The following ERP44 variants were observed in gnomAD, a reference collection of about 807,000 sequenced individuals.
The protein encoded by ERP44 is endoplasmic reticulum protein 44.
ERP44 carries 25 observed loss-of-function variants against 53.4 expected under a neutral mutation model. That is an observed-to-expected ratio of 0.47 (90% CI 0.34 to 0.65). ERP44 has a LOEUF of 0.65. Ranked by LOEUF, ERP44 falls within the 30% of genes least tolerant of loss-of-function variation. ERP44 has a pLI of 0.01. For missense variants in ERP44, 338 were observed against 493.2 expected (o/e 0.69, Z 2.98); for synonymous variants, 145 against 161.2 (o/e 0.90, Z 0.76).
intron 8 of ERP44, among the ~76,000 whole-genome samples, chr9:100,011,301 C>T (rs1161894637): frequency 6.6e-6 from 1 of 152,074 alleles, no homozygotes; most frequent in Non-Finnish European, 1.5e-5. Flanking sequence ...ATTTTGAATT[C>T]TGTGAAATGT....
chr9:99,988,960 C>T (rs1455247026), intron 10 of ERP44, among the ~76,000 whole-genome samples: 4 of 152,204 alleles, frequency 2.6e-5, no homozygotes, highest in Admixed American at 2.0e-4. Context: ...GATGGAACTG[C>T]GAGGTGGCAG....
At chr9:100,045,091 T>C (rs1341943076) in intron 4 of ERP44, among the ~76,000 whole-genome samples, 1 of 152,186 alleles carries the variant, frequency 6.6e-6, no homozygotes, top group East Asian at 1.9e-4. Context: ...TTAGCCTCTC[T>C]GTATCTTTCA....
chr9:100,087,625 A>G (rs965854530), intron 1 of ERP44, among the ~76,000 whole-genome samples: 5 of 152,220 alleles, frequency 3.3e-5, no homozygotes, highest in African/African-American at 9.6e-5. Flanking sequence ...GATATGTGAG[A>G]AAATGGAAAC....
At chr9:100,055,747 C>G (rs756658998) in intron 3 of ERP44, among the ~76,000 whole-genome samples, 1 of 152,162 alleles carries the variant, frequency 6.6e-6, no homozygotes, top group Non-Finnish European at 1.5e-5. Context: ...ACTATGTTCC[C>G]ATAAATATTA....
At chr9:99,992,473 A>C (rs1464520187) in intron 10 of ERP44, among the ~76,000 whole-genome samples, 1 of 152,234 alleles carries the variant, frequency 6.6e-6, no homozygotes, top group Non-Finnish European at 1.5e-5. Flanking sequence ...ACAGCCCTTC[A>C]TGCTACAAAC....
chr9:100,057,828 A>T lies in ERP44; in HGVS notation c.162T>A (p.Tyr54Ter). Residue 54 changes from tyrosine to a stop codon, truncating the protein, a stop_gained, in exon 3 of 12, where the codon TAT (tyrosine) becomes TAA (stop). Transcript: ENST00000262455. LOFTEE classifies it high-confidence loss of function. ...NNADVALVNF[Y>*]ADWCRFSQML... ...ACAATAAGATTACTTACCAGTCAGC[A>T]TAAAAATTTACTAAAGCAACATCAG... 1 of 1,606,098 alleles carries T rather than the reference A, an allele frequency of 6.2e-7. No individual in the cohort carries two copies. Among genetic ancestry groups the T allele is most frequent in the Non-Finnish European group, 8.5e-7 (1 of 1,175,550 alleles).
intron 2 of ERP44, 95 bp downstream of exon 2, chr9:100,060,005 G>C: frequency 9.5e-7 from 1 of 1,047,576 alleles, no homozygotes; most frequent in Non-Finnish European, 1.3e-6. Flanking sequence ...ATCTGTGCTA[G>C]CTAACTGAGA....
At chr9:100,038,524 T>C (rs1416426324) in intron 4 of ERP44, among the ~76,000 whole-genome samples, 1 of 151,664 alleles carries the variant, frequency 6.6e-6, no homozygotes, top group African/African-American at 2.4e-5. Context: ...AGAAATGAAA[T>C]CATATCACCA....
chr9:100,047,551 C>T (rs1291723199), intron 4 of ERP44, among the ~76,000 whole-genome samples: 2 of 152,092 alleles, frequency 1.3e-5, no homozygotes, highest in African/African-American at 4.8e-5. Flanking sequence ...GTTCCATACA[C>T]AAAAATTAAC....
Position 99,980,194 on chromosome 9 carries a change from A to G in ERP44, c.*2418T>C. On this transcript the variant is annotated 3_prime_UTR_variant, in exon 12 of 12. Coordinates refer to ENST00000262455, the MANE Select transcript of ERP44 (RefSeq NM_015051.3). ...TCTTTAACCTTTATTTTGTCTTTAC[A>G]TCTATAACACGTTACAGTCATTGTT... 2.5e-6 allele frequency: 1 copy of G among 397,094 alleles called. No homozygotes were observed. Among genetic ancestry groups the G allele is most frequent in the Non-Finnish European group, 4.4e-6 (1 of 225,438 alleles). 24.6% of individuals were successfully genotyped at this position (397,094 alleles called of 1,614,324 possible).
At chr9:100,077,968 A>G (rs960723492) in intron 1 of ERP44, among the ~76,000 whole-genome samples, 11 of 152,050 alleles carry the variant, frequency 7.2e-5, no homozygotes, top group Admixed American at 5.9e-4. Context: ...AAAAAACACA[A>G]CCACCAGGAA....
At position 100,098,977 on chromosome 9, in the gene ERP44, G is replaced by GACCCGGGCTCCAGCGGCGAAC. The variant is rs1826706704; in HGVS notation, c.-158_-138dup. 1.5e-6 allele frequency: 1 copy of GACCCGGGCTCCAGCGGCGAAC among 669,952 alleles called. No homozygotes were observed. The highest frequency in any genetic ancestry group is 1.7e-5 in the South Asian group (1 of 57,636). The allele number at this position is 669,952 out of a possible 1,614,324, so 41.5% of individuals were successfully genotyped here. On this transcript the variant is annotated 5_prime_UTR_variant, in exon 1 of 12. Coordinates refer to ENST00000262455, the MANE Select transcript of ERP44 (RefSeq NM_015051.3). ...CCAGGCAGCGGCACCTCGTCCTCTCGACCCGGGCTCCAGCGGCGAACACCC... is the reference window on the plus strand; with the variant it reads ...CCAGGCAGCGGCACCTCGTCCTCTCGACCCGGGCTCCAGCGGCGAACACCCGGGCTCCAGCGGCGAACACCC...
At chr9:100,045,417 T>C (rs1228611230) in intron 4 of ERP44, among the ~76,000 whole-genome samples, 1 of 152,214 alleles carries the variant, frequency 6.6e-6, no homozygotes, top group Non-Finnish European at 1.5e-5. Flanking sequence ...GCTGTAGCTA[T>C]AGAACCTTCC....
chr9:100,067,133 A>T (rs990489447), intron 1 of ERP44, among the ~76,000 whole-genome samples: 1 of 152,094 alleles, frequency 6.6e-6, no homozygotes, highest in Non-Finnish European at 1.5e-5. Context: ...CTCTAAAAAA[A>T]CCAAACAACC....
At chr9:100,006,796 A>C in intron 9 of ERP44, 149 bp from the exon 10 acceptor site, 1 of 548,794 alleles carries the variant, frequency 1.8e-6, no homozygotes, top group Middle Eastern at 4.6e-4. Flanking sequence ...AAACCTAAAT[A>C]TCTAACACTT....
intron 1 of ERP44, among the ~76,000 whole-genome samples, chr9:100,094,786 AC>A (rs1826604197): frequency 1.3e-5 from 2 of 148,154 alleles, no homozygotes; most frequent in Non-Finnish European, 3.0e-5. Flanking sequence ...ATATAGTGAG[AC>A]CCTTGTCTCT....
chr9:100,011,444 T>C (rs1249671959), intron 8 of ERP44, among the ~76,000 whole-genome samples: 1 of 152,222 alleles, frequency 6.6e-6, no homozygotes, highest in Non-Finnish European at 1.5e-5. Flanking sequence ...GCAGTGCACA[T>C]AGAAGGGTAT....
At chr9:100,009,109 T>G (rs761968086) in intron 8 of ERP44, among the ~76,000 whole-genome samples, 7 of 152,136 alleles carry the variant, frequency 4.6e-5, no homozygotes, top group Non-Finnish European at 7.4e-5. Flanking sequence ...ACATCACCAC[T>G]AATTCTAGAG....
intron 1 of ERP44, among the ~76,000 whole-genome samples, chr9:100,090,961 TA>T (rs1287264539): frequency 6.6e-6 from 1 of 152,176 alleles, no homozygotes; most frequent in Non-Finnish European, 1.5e-5. Context: ...TAAAATTTCT[TA>T]AATCCATTCA....
Sources: gnomAD v4.1 joint callset for allele counts (sites outside exome capture counted in the v4.1 genomes callset) on GRCh38, gnomAD v4.1.1 for gene constraint, MANE v1.5 for transcripts, NCBI Gene and HGNC (gene_info 2026-07-23, HGNC 2026-07-21) for gene names.